Variants in ARMC9 observed in about 807,000 individuals in gnomAD.
ARMC9 encodes lisH domain-containing protein ARMC9.
ARMC9 carries 94 observed loss-of-function variants against 107.0 expected under a neutral mutation model. The observed-to-expected ratio is 0.88, with a 90% CI of 0.74 to 1.04. ARMC9 has a LOEUF of 1.04. Among genes scored for constraint, ARMC9 ranks in the 50% least tolerant of loss-of-function variants. The pLI is 0.00. For missense variants in ARMC9, 942 were observed against 1,030.1 expected, an observed-to-expected ratio of 0.91 and a Z score of 1.17; for synonymous variants, 380 against 396.9, an observed-to-expected ratio of 0.96 and a Z score of 0.51.
At chr2:231,370,157 G>C (rs935455374) in intron 24 of ARMC9, 32 bp downstream of exon 24, 1 of 1,478,916 alleles carries the variant, frequency 6.8e-7, no homozygotes, top group African/African-American at 1.4e-5. Flanking sequence ...TGGCGTGGGA[G>C]CCTGGCCACC....
intron 24 of ARMC9, 32 bp from the exon 25 acceptor site, chr2:231,371,481 C>T: frequency 8.0e-7 from 1 of 1,243,120 alleles, no homozygotes; most frequent in Non-Finnish European, 1.0e-6. Flanking sequence ...GACCACACAG[C>T]ACTGGCATCT....
intron 1 of ARMC9, among the ~76,000 whole-genome samples, chr2:231,201,637 C>T (rs935011746): frequency 2.0e-5 from 3 of 152,240 alleles, no homozygotes; most frequent in Non-Finnish European, 2.9e-5. Context: ...TCTCAGACCC[C>T]ACTGCTTCCT....
intron 19 of ARMC9, among the ~76,000 whole-genome samples, chr2:231,322,313 G>A (rs571514798): frequency 9.8e-5 from 15 of 152,308 alleles, no homozygotes; most frequent in East Asian, 7.7e-4. Context: ...GTCCACCCTC[G>A]CTCTCCCATG....
At chr2:231,269,012 C>A (rs530396806) in intron 12 of ARMC9, among the ~76,000 whole-genome samples, 3 of 152,136 alleles carry the variant, frequency 2.0e-5, no homozygotes, top group Non-Finnish European at 4.4e-5. Flanking sequence ...AGGCTGTGAG[C>A]TGTGATCACA....
chr2:231,324,907 C>CA (rs1011785725), intron 19 of ARMC9, among the ~76,000 whole-genome samples: 37 of 147,362 alleles, frequency 2.5e-4, no homozygotes, highest in South Asian at 8.6e-4. Flanking sequence ...AACCCCATCT[C>CA]AAAAAAAAAA....
intron 3 of ARMC9, among the ~76,000 whole-genome samples, chr2:231,213,168 T>C (rs187474807): frequency 4.0e-5 from 6 of 151,788 alleles, no homozygotes; most frequent in Admixed American, 1.3e-4. Context: ...TTTTTTCTTT[T>C]TTTTTTTTTT....
At chr2:231,285,374 G>A (rs913301942) in intron 17 of ARMC9, among the ~76,000 whole-genome samples, 5 of 151,974 alleles carry the variant, frequency 3.3e-5, no homozygotes, top group African/African-American at 4.8e-5. Context: ...GATGGGGCAC[G>A]GTGGCTCATG....
chr2:231,231,917 G>A lies in ARMC9; in HGVS notation c.623-3307G>A, dbSNP rs371478785. ...TTGGCCAGGCTTGTGTCGAACTCCCGACCTCAGGTGATCTGCCTGCCTTGG... is the reference window on the plus strand; with the variant it reads ...TTGGCCAGGCTTGTGTCGAACTCCCAACCTCAGGTGATCTGCCTGCCTTGG... On this transcript the variant is annotated intron_variant, in intron 7 of 24. Coordinates refer to ENST00000611582, the MANE Select transcript of ARMC9 (RefSeq NM_001352754.2). Among the ~76,000 whole-genome samples, 827 of 152,100 alleles carry A rather than the reference G, an allele frequency of 5.4e-3. 12 individuals carry two copies. The highest frequency in any genetic ancestry group is 0.019 in the African/African-American group (773 of 41,468).
intron 19 of ARMC9, among the ~76,000 whole-genome samples, chr2:231,329,419 T>C (rs1440866982): frequency 6.6e-6 from 1 of 151,944 alleles, no homozygotes; most frequent in Non-Finnish European, 1.5e-5. Context: ...CAAGTGATCC[T>C]CCTGCCTCAG....
intron 14 of ARMC9, among the ~76,000 whole-genome samples, chr2:231,273,528 C>A (rs60596955): frequency 6.6e-6 from 1 of 151,890 alleles, no homozygotes. Context: ...CAGCAGCCCA[C>A]CCCATGGGAT....
chr2:231,353,627 G>C (rs1005812566), intron 21 of ARMC9, among the ~76,000 whole-genome samples: 7 of 151,440 alleles, frequency 4.6e-5, no homozygotes, highest in South Asian at 2.1e-4. Context: ...AGTCCAGCAG[G>C]TTTGCACACT....
rs144649237 is a variant in ARMC9 at position 231,216,527 on chromosome 2, G to A, written c.349-111G>A. On this transcript the variant is annotated intron_variant, in intron 4 of 24. Transcript: ENST00000611582. ...CAATGCACCTGCCAGGTTAGATAGG[G>A]GATGCCAGCGACACGACTGGGACAG... is the stretch of plus-strand genomic sequence containing the variant. 9,346 of 1,231,372 alleles carry A rather than the reference G, an allele frequency of 7.6e-3. 63 individuals carry two copies. Among genetic ancestry groups the A allele is most frequent in the Non-Finnish European group, 9.4e-3 (8,270 of 876,622 alleles). The allele number at this position is 1,231,372 out of a possible 1,614,324, so 76.3% of individuals were successfully genotyped here.
intron 19 of ARMC9, among the ~76,000 whole-genome samples, chr2:231,307,682 C>A (rs561164931): frequency 7.2e-5 from 11 of 152,198 alleles, no homozygotes; most frequent in Non-Finnish European, 1.3e-4. Context: ...CCCAAACCCC[C>A]CTTCTTGGTT....
chr2:231,252,523 T>C (rs1341648583), intron 9 of ARMC9, among the ~76,000 whole-genome samples: 1 of 152,228 alleles, frequency 6.6e-6, no homozygotes, highest in East Asian at 1.9e-4. Context: ...GTACTGGGAT[T>C]ACAGGCATGA....
intron 19 of ARMC9, among the ~76,000 whole-genome samples, chr2:231,302,114 TGTA>T (rs2041768648): frequency 6.6e-6 from 1 of 152,150 alleles, no homozygotes; most frequent in African/African-American, 2.4e-5. Flanking sequence ...TCATCTAAGT[TGTA>T]GTCATTAAAT....
At chr2:231,312,529 G>A (rs1304833518) in intron 19 of ARMC9, among the ~76,000 whole-genome samples, 1 of 152,044 alleles carries the variant, frequency 6.6e-6, no homozygotes, top group African/African-American at 2.4e-5. Flanking sequence ...GCTACAGGGA[G>A]ATTCTTCTCC....
chr2:231,308,726 T>C (rs1276331346), intron 19 of ARMC9, among the ~76,000 whole-genome samples: 2 of 152,212 alleles, frequency 1.3e-5, no homozygotes, highest in African/African-American at 4.8e-5. Flanking sequence ...CAGGTGACTT[T>C]GCATTCCATA....
At chr2:231,261,366 G>GC (rs1196715712) in intron 11 of ARMC9, among the ~76,000 whole-genome samples, 3 of 152,170 alleles carry the variant, frequency 2.0e-5, no homozygotes, top group African/African-American at 7.2e-5. Flanking sequence ...CAGACTTATG[G>GC]CTTTCTAAAA....
rs113064955 is a variant in ARMC9, at chr2:231,374,598, G to GAA, written c.*3071_*3072dup. On this transcript the variant is annotated 3_prime_UTR_variant, in exon 25 of 25. Transcript: ENST00000611582. ...AAATAGTTGAACAAATAAGGTTCAT[G>GAA]AAAAAAAAAGAAAAGAAAGAAAAGG... 1.3e-5 allele frequency: 2 copies of GAA among 149,218 alleles called. No homozygotes were observed. Among genetic ancestry groups the GAA allele is most frequent in the African/African-American group, 4.9e-5 (2 of 40,544 alleles). The allele number at this position is 149,218 out of a possible 1,614,324, so 9.2% of individuals were successfully genotyped here. A position where few individuals can be genotyped will look rare whatever the true frequency, so the allele number is the denominator to read the frequency against.
Sources: allele counts gnomAD v4.1 joint callset (sites outside exome capture counted in the v4.1 genomes callset), GRCh38; gene constraint gnomAD v4.1.1; transcripts MANE v1.5; gene names NCBI Gene and HGNC (gene_info 2026-07-23, HGNC 2026-07-21).